The following SNTB1 variants were observed in gnomAD, a reference collection of about 807,000 sequenced individuals.
The protein encoded by SNTB1 is beta-1-syntrophin.
SNTB1 carries 36 observed loss-of-function variants against 48.9 expected under a neutral mutation model. The ratio of observed to expected loss-of-function variants is 0.74; its 90% CI spans 0.56 to 0.97. The LOEUF is 0.97. SNTB1 is among the 50% of genes least tolerant of loss of function. The pLI is 0.00. For missense variants in SNTB1, 786 were observed against 703.4 expected (o/e 1.12, Z -1.33); for synonymous variants, 299 against 294.6 (o/e 1.01, Z -0.15).
At chr8:120,564,416 C>A (rs935492174) in intron 4 of SNTB1, among the ~76,000 whole-genome samples, 1 of 150,580 alleles carries the variant, frequency 6.6e-6, no homozygotes, top group Non-Finnish European at 1.5e-5. Context: ...ATCATGCTGG[C>A]ACTTAATCTG....
intron 1 of SNTB1, among the ~76,000 whole-genome samples, chr8:120,759,530 A>G (rs1819377791): frequency 6.6e-6 from 1 of 152,230 alleles, no homozygotes; most frequent in South Asian, 2.1e-4. Context: ...GTGGCATTAC[A>G]GTACTGAAGT....
intron 2 of SNTB1, among the ~76,000 whole-genome samples, chr8:120,691,001 A>G (rs751551267): frequency 2.0e-5 from 3 of 152,078 alleles, no homozygotes; most frequent in Non-Finnish European, 2.9e-5. Flanking sequence ...TCCCTCTCCC[A>G]CAGGGGAAGC....
intron 1 of SNTB1, among the ~76,000 whole-genome samples, chr8:120,727,964 C>T (rs538270876): frequency 6.6e-6 from 1 of 152,226 alleles, no homozygotes; most frequent in East Asian, 1.9e-4. Flanking sequence ...TATTCCTTCT[C>T]CCACCCTTTC....
chr8:120,656,492 C>T (rs1406376133), intron 2 of SNTB1, among the ~76,000 whole-genome samples: 1 of 152,134 alleles, frequency 6.6e-6, no homozygotes, highest in Non-Finnish European at 1.5e-5. Context: ...TTTGTTTTCT[C>T]ACTATGCATA....
intron 2 of SNTB1, among the ~76,000 whole-genome samples, chr8:120,653,545 C>T (rs1817444107): frequency 6.6e-6 from 1 of 152,188 alleles, no homozygotes; most frequent in Non-Finnish European, 1.5e-5. Flanking sequence ...TTAAGCCACC[C>T]AGTTTGTGGT....
At chr8:120,615,364 G>T (rs1816696681) in intron 3 of SNTB1, among the ~76,000 whole-genome samples, 1 of 152,138 alleles carries the variant, frequency 6.6e-6, no homozygotes, top group African/African-American at 2.4e-5. Context: ...CAGATTCTCA[G>T]CTGAGGGCTC....
At position 120,624,990 on chromosome 8, in the gene SNTB1, C is replaced by T. The variant is rs562647317; in HGVS notation, c.996+7454G>A. Among the ~76,000 whole-genome samples, 22 of 152,296 alleles carry T rather than the reference C, an allele frequency of 1.4e-4. No individual in the cohort carries two copies. The South Asian group carries it at 4.6e-3, about 32-fold the overall frequency. ...GACTCCATGTCTCAAATCCTAGGCA[C>T]AGTGGGACAGACATGGGGCCTCTAG... On this transcript the variant is annotated intron_variant, in intron 3 of 6. Transcript: ENST00000517992.
intron 2 of SNTB1, among the ~76,000 whole-genome samples, chr8:120,671,544 G>A (rs1201330369): frequency 2.0e-5 from 3 of 152,182 alleles, no homozygotes; most frequent in Non-Finnish European, 4.4e-5. Context: ...CTAGAAGAAG[G>A]CAAAGGCAAG....
intron 1 of SNTB1, among the ~76,000 whole-genome samples, chr8:120,744,646 G>GT (rs963254510): frequency 1.3e-5 from 2 of 151,940 alleles, no homozygotes; most frequent in African/African-American, 2.4e-5. Context: ...GTGTTGGTAG[G>GT]TTTTTTCTGG....
intron 2 of SNTB1, among the ~76,000 whole-genome samples, chr8:120,640,623 T>C (rs4871085): frequency 0.37 from 56,517 of 152,062 alleles, 12,321 homozygotes; most frequent in Non-Finnish European, 0.49. Context: ...CTTTTCTGCA[T>C]CTATTGAGAT....
chr8:120,811,724 G>C lies in SNTB1; in HGVS notation c.120C>G (p.Asn40Lys). 6.4e-7 allele frequency: 1 copy of C among 1,573,622 alleles called. No individual in the cohort carries two copies. Among genetic ancestry groups the C allele is most frequent in the South Asian group, 1.2e-5 (1 of 86,670 alleles). Residue 40 changes from asparagine (N) to lysine (K), a missense_variant, in exon 1 of 7, where the codon AAC (asparagine) becomes AAG (lysine). Asn to Lys is a moderately conservative substitution (Grantham distance 94). Transcript: ENST00000517992. Reference sequence around the variant, plus strand: ...TCAGAACCAGGGCGTCCTCGCTCAAGTTCACCAGAACTTTGTGCCAGCGAT... The same window carrying C: ...TCAGAACCAGGGCGTCCTCGCTCAACTTCACCAGAACTTTGTGCCAGCGAT... ...VRDRWHKVLV[N>K]LSEDALVLSS... is the part of the protein sequence containing the mutation.
intron 1 of SNTB1, among the ~76,000 whole-genome samples, chr8:120,703,286 G>A (rs888704371): frequency 2.6e-4 from 39 of 152,150 alleles, no homozygotes; most frequent in African/African-American, 8.9e-4. Context: ...CACCACACCT[G>A]GCTGATTTTT....
intron 5 of SNTB1, among the ~76,000 whole-genome samples, chr8:120,547,838 G>C (rs1052750366): frequency 1.3e-5 from 2 of 152,072 alleles, no homozygotes; most frequent in African/African-American, 4.8e-5. Context: ...AGGGGCACTG[G>C]TCACTCTTCC....
chr8:120,705,588 C>T (rs1818367261), intron 1 of SNTB1, among the ~76,000 whole-genome samples: 1 of 152,144 alleles, frequency 6.6e-6, no homozygotes, highest in Non-Finnish European at 1.5e-5. Flanking sequence ...TGAGCTATCT[C>T]CCAGTCACAT....
At chr8:120,698,638 C>T (rs1256835270) in intron 1 of SNTB1, among the ~76,000 whole-genome samples, 1 of 152,078 alleles carries the variant, frequency 6.6e-6, no homozygotes, top group Admixed American at 6.6e-5. Flanking sequence ...CAAGATGGTC[C>T]TTCTTGCTGG....
At chr8:120,623,578 T>G (rs1816826676) in intron 3 of SNTB1, among the ~76,000 whole-genome samples, 2 of 152,232 alleles carry the variant, frequency 1.3e-5, no homozygotes, top group African/African-American at 4.8e-5. Context: ...CTGCACGGCG[T>G]GCAGTGTCCT....
intron 2 of SNTB1, among the ~76,000 whole-genome samples, chr8:120,666,167 A>T (rs1439004281): frequency 6.6e-6 from 1 of 152,226 alleles, no homozygotes; most frequent in East Asian, 1.9e-4. Flanking sequence ...CCATCGTAAC[A>T]TTATGTAGTT....
chr8:120,731,269 G>T (rs1270469348), intron 1 of SNTB1, among the ~76,000 whole-genome samples: 4 of 152,176 alleles, frequency 2.6e-5, no homozygotes, highest in African/African-American at 9.6e-5. Context: ...CAAGAGGAAA[G>T]AAAAGAAAAA....
At chr8:120,595,163 G>C (rs1176790110) in intron 3 of SNTB1, among the ~76,000 whole-genome samples, 3 of 152,060 alleles carry the variant, frequency 2.0e-5, no homozygotes, top group Non-Finnish European at 4.4e-5. Flanking sequence ...GTTTGAACCA[G>C]AGCAACTCCA....
Sources: gnomAD v4.1 joint callset for allele counts (sites outside exome capture counted in the v4.1 genomes callset) on GRCh38, gnomAD v4.1.1 for gene constraint, MANE v1.5 for transcripts, NCBI Gene and HGNC (gene_info 2026-07-23, HGNC 2026-07-21) for gene names.